PDE10A: variants seen among roughly 807,000 people sequenced by gnomAD.
PDE10A encodes the protein cAMP and cAMP-inhibited cGMP 3',5'-cyclic phosphodiesterase 10A.
Under a neutral mutation model 97.7 loss-of-function variants are expected in PDE10A, and 39 were observed. The observed-to-expected ratio is 0.40, with a 90% confidence interval of 0.31 to 0.52. The LOEUF (loss-of-function observed/expected upper bound fraction) is 0.52, where lower values mean the gene tolerates loss of function less well. Ranked by LOEUF, PDE10A falls within the 20% of genes least tolerant of loss-of-function variation. PDE10A has a pLI of 0.56. For synonymous variants in PDE10A, 371 were observed against 376.8 expected, an observed-to-expected ratio of 0.98 and a Z score of 0.18; for missense variants, 731 against 1,047.8, an observed-to-expected ratio of 0.70 and a Z score of 4.17.
chr6:165,833,927 C>T (rs1780002135), intron 1 of PDE10A, among the ~76,000 whole-genome samples: 1 of 152,220 alleles, frequency 6.6e-6, no homozygotes, highest in African/African-American at 2.4e-5. Context: ...CTGCTAAGAT[C>T]AGGTAATTCA....
intron 16 of PDE10A, among the ~76,000 whole-genome samples, chr6:165,391,454 T>C (rs998750008): frequency 3.9e-5 from 6 of 152,164 alleles, no homozygotes; most frequent in South Asian, 4.1e-4. Flanking sequence ...TCACAAGGTA[T>C]GGCAAAATGG....
At position 165,662,056 on chromosome 6, in the gene PDE10A, G is replaced by A. The variant is rs960747229; in HGVS notation, c.756C>T (p.Ser252=). 9.0e-6 allele frequency: 13 copies of A among 1,451,082 alleles called. No homozygotes were observed. The Admixed American group carries it at 2.3e-4, about 26-fold the overall frequency. 89.9% of individuals were successfully genotyped at this position (1,451,082 alleles called of 1,614,324 possible). ...GCGCGGCCGCGGCGGCGAGGGCGAAGCTGGCGCCCTGGGGACGCCGCGGAG... is the reference window on the plus strand; with the variant it reads ...GCGCGGCCGCGGCGGCGAGGGCGAAACTGGCGCCCTGGGGACGCCGCGGAG... ...GQTPRRPQGA[S]FALAAAAALL... Residue 252 remains serine, a synonymous_variant, in exon 1 of 22, where the codon AGC becomes AGT. Transcript: ENST00000539869.
At chr6:165,399,990 C>T (rs192367669) in intron 13 of PDE10A, among the ~76,000 whole-genome samples, 22 of 152,216 alleles carry the variant, frequency 1.4e-4, no homozygotes, top group Non-Finnish European at 2.5e-4. Flanking sequence ...GGGGCACAAA[C>T]GGATCAGTGG....
intron 2 of PDE10A, among the ~76,000 whole-genome samples, chr6:165,535,719 C>G (rs1376992274): frequency 6.6e-6 from 1 of 151,552 alleles, no homozygotes; most frequent in Non-Finnish European, 1.5e-5. Flanking sequence ...CATACAAGCA[C>G]AGGTATCTTT....
At chr6:165,399,293 C>A (rs991460557) in intron 13 of PDE10A, among the ~76,000 whole-genome samples, 58 of 152,252 alleles carry the variant, frequency 3.8e-4, no homozygotes, top group African/African-American at 1.4e-3. Context: ...ATCAAAATCC[C>A]AGTAGGCTTT....
chr6:165,771,770 G>C (rs1778018149), intron 1 of PDE10A, among the ~76,000 whole-genome samples: 1 of 152,086 alleles, frequency 6.6e-6, no homozygotes, highest in Non-Finnish European at 1.5e-5. Context: ...TTGGGAAGTT[G>C]GGGGACTATC....
rs372862316 is a variant in PDE10A, at chr6:165,837,685, T to TG, written c.-615+149843dup. On this transcript the variant is annotated intron_variant, in intron 1 of 19. Transcript: ENST00000366882. ...TTTTTTTTTTTTTTTTTTTTTTTTT[T>TG]GGGGCAGGAGGCGGTGGGAGAACAG... Among the ~76,000 whole-genome samples the TG allele has an allele frequency of 2.8e-3, 241 of 86,556 alleles. 2 individuals carry two copies. The highest frequency in any genetic ancestry group is 6.7e-3 in the African/African-American group (155 of 23,032). 56.8% of individuals were successfully genotyped at this position (86,556 alleles called of 152,430 possible).
rs76052035 is a variant in PDE10A, at chr6:165,806,317, C to A, written c.-615+181212G>T. Among the ~76,000 whole-genome samples, 892 of 152,258 alleles carry A rather than the reference C, an allele frequency of 5.9e-3. 7 individuals carry two copies. Among genetic ancestry groups the A allele is most frequent in the African/African-American group, 0.02 (826 of 41,532 alleles). ...CCTGTCACTGTCTATTCATGTGGCA[C>A]GTTTGTCCAAGGCTCCGCGTTCTCC... On this transcript the variant is annotated intron_variant, in intron 1 of 19. Coordinates refer to the PDE10A transcript ENST00000366882.
At position 165,599,642 on chromosome 6, in the gene PDE10A, G is replaced by A. The variant is rs536107149; in HGVS notation, c.866-56074C>T. ...TTAAACAGGCTTAACAGAATACCTC[G>A]TAACAGTAAGAATTTAATAAATATT... is the stretch of plus-strand genomic sequence containing the variant. On this transcript the variant is annotated intron_variant, in intron 1 of 21. Transcript: ENST00000539869. Among the ~76,000 whole-genome samples the A allele has an allele frequency of 1.8e-3, 281 of 152,248 alleles. 2 individuals are homozygous for A. Among genetic ancestry groups the A allele is most frequent in the African/African-American group, 6.4e-3 (267 of 41,548 alleles).
At chr6:165,869,048 G>A (rs765775503) in intron 1 of PDE10A, among the ~76,000 whole-genome samples, 13 of 152,058 alleles carry the variant, frequency 8.5e-5, no homozygotes, top group Non-Finnish European at 1.5e-4. Context: ...CCAAGGCAAG[G>A]ATGCCCACTA....
intron 7 of PDE10A, among the ~76,000 whole-genome samples, chr6:165,432,097 G>A (rs1789616669): frequency 6.6e-6 from 1 of 152,118 alleles, no homozygotes; most frequent in Non-Finnish European, 1.5e-5. Flanking sequence ...ACTATTCTAG[G>A]TGCTGGAGAT....
chr6:165,666,309 A>T (rs915473311), upstream of PDE10A, among the ~76,000 whole-genome samples: 1 of 152,254 alleles, frequency 6.6e-6, no homozygotes, highest in Non-Finnish European at 1.5e-5. Context: ...TTATGAATAT[A>T]TAAAAGCAAA....
chr6:165,644,707 C>T (rs1789304047), intron 1 of PDE10A, among the ~76,000 whole-genome samples: 1 of 152,178 alleles, frequency 6.6e-6, no homozygotes, highest in Non-Finnish European at 1.5e-5. Flanking sequence ...CTATGAAAAC[C>T]CCCGTATGAA....
chr6:165,619,085 T>C (rs111226469), intron 1 of PDE10A, among the ~76,000 whole-genome samples: 23 of 115,016 alleles, frequency 2.0e-4, no homozygotes, highest in African/African-American at 6.8e-4. Context: ...TAGTCTAGTG[T>C]AGTCTAGTGT....
chr6:165,677,973 TTG>T (rs1790849227), intron 1 of PDE10A, among the ~76,000 whole-genome samples: 1 of 151,826 alleles, frequency 6.6e-6, no homozygotes, highest in African/African-American at 2.4e-5. Context: ...TCTATGTGTT[TTG>T]TGTGTGTTTG....
At chr6:165,415,031 T>C (rs1348934351) in intron 12 of PDE10A, among the ~76,000 whole-genome samples, 1 of 152,240 alleles carries the variant, frequency 6.6e-6, no homozygotes, top group Admixed American at 6.5e-5. Context: ...CTCATTGTTA[T>C]GCTGGAAGAG....
chr6:165,686,237 G>A, intron 1 of PDE10A, among the ~76,000 whole-genome samples: 1 of 151,754 alleles, frequency 6.6e-6, no homozygotes, highest in East Asian at 1.9e-4. Flanking sequence ...CCAAAGTGTG[G>A]GTCCTGAGAT....
chr6:165,754,518 C>T (rs542304394), intron 1 of PDE10A: 1 of 152,242 alleles, frequency 6.6e-6, no homozygotes, highest in Non-Finnish European at 1.5e-5. Context: ...AATAGATTTA[C>T]ATTTTACTAT....
chr6:165,496,204 C>T (rs967394052), intron 2 of PDE10A, among the ~76,000 whole-genome samples: 6 of 152,090 alleles, frequency 3.9e-5, no homozygotes, highest in African/African-American at 1.2e-4. Context: ...CCGAAGATGA[C>T]CCCCTTATTT....
Sources: allele counts gnomAD v4.1 joint callset (sites outside exome capture counted in the v4.1 genomes callset), GRCh38; gene constraint gnomAD v4.1.1; transcripts MANE v1.5; gene names NCBI Gene and HGNC (gene_info 2026-07-23, HGNC 2026-07-21).